BLCAP: variants seen among roughly 807,000 people sequenced by gnomAD.
BLCAP encodes apoptosis inducing factor BLCAP.
A neutral mutation model predicts 5.7 loss-of-function variants in BLCAP; 1 was observed. That is an observed-to-expected ratio of 0.18 (90% CI 0.06 to 0.83). BLCAP has a LOEUF of 0.83. Among genes scored for constraint, BLCAP ranks in the 40% least tolerant of loss-of-function variants. BLCAP has a pLI of 0.71. For synonymous variants in BLCAP, 48 were observed against 49.4 expected (o/e 0.97, Z 0.11); for missense variants, 66 against 107.6 (o/e 0.61, Z 1.71).
At chr20:37,523,049 C>A in intron 1 of BLCAP, 1 of 375,126 alleles carries the variant, frequency 2.7e-6, no homozygotes, top group Non-Finnish European at 4.8e-6. Context: ...ATAGGCACCG[C>A]ATTCTGATCT....
At chr20:37,522,542 C>A in intron 1 of BLCAP, 1 of 1,375,864 alleles carries the variant, frequency 7.3e-7, no homozygotes, top group Non-Finnish European at 1.0e-6. Context: ...CGCCCGCGCC[C>A]GCCTCTCCAG....
intron 1 of BLCAP, among the ~76,000 whole-genome samples, chr20:37,525,754 G>C (rs901764971): frequency 2.2e-4 from 33 of 152,208 alleles, no homozygotes; most frequent in Non-Finnish European, 5.9e-5. Flanking sequence ...TATTCTGATA[G>C]AGAGCAATGC....
At chr20:37,525,372 A>T (rs1243926681) in intron 1 of BLCAP, among the ~76,000 whole-genome samples, 1 of 152,246 alleles carries the variant, frequency 6.6e-6, no homozygotes, top group Non-Finnish European at 1.5e-5. Context: ...CTCTGGACAC[A>T]GCACCTCTTG....
intron 1 of BLCAP, among the ~76,000 whole-genome samples, chr20:37,523,988 G>C (rs2071676985): frequency 6.6e-6 from 1 of 152,148 alleles, no homozygotes; most frequent in Non-Finnish European, 1.5e-5. Context: ...TAGGATAAGG[G>C]GCCAAAGCAA....
intron 1 of BLCAP, chr20:37,524,495 C>G (rs2071687793): frequency 1.3e-5 from 2 of 152,368 alleles, no homozygotes; most frequent in Admixed American, 1.3e-4. Context: ...ACGGGGTCAG[C>G]TGACTGTCTC....
At chr20:37,519,424 GAA>G (rs35394410) in intron 1 of BLCAP, 74 bp from the exon 2 acceptor site, 27,439 of 72,042 alleles carry the variant, frequency 0.38, 6,030 homozygotes, top group South Asian at 0.53. Context: ...AAAAAAAAAA[GAA>G]AAAAAAAAAA....
intron 1 of BLCAP, chr20:37,524,230 A>G (rs1277687718): frequency 2.0e-5 from 3 of 152,300 alleles, no homozygotes; most frequent in African/African-American, 7.2e-5. Flanking sequence ...CAGGCCCCAC[A>G]TCCACCAGGA....
chr20:37,519,204 G>C lies in BLCAP; in HGVS notation c.-30C>G. 3.2e-6 allele frequency: 5 copies of C among 1,550,628 alleles called. No individual in the cohort carries two copies. Among genetic ancestry groups the C allele is most frequent in the Non-Finnish European group, 4.4e-6 (5 of 1,146,240 alleles). ...TCTGCCGGGCAGGGCCTTCACCAAG[G>C]CTGCCGGGCACCGCTGCAGGAACCG... On this transcript the variant is annotated 5_prime_UTR_variant, in exon 2 of 2. Transcript: ENST00000373537.
intron 1 of BLCAP, among the ~76,000 whole-genome samples, chr20:37,525,021 T>G (rs1444444884): frequency 6.6e-6 from 1 of 152,202 alleles, no homozygotes; most frequent in Non-Finnish European, 1.5e-5. Context: ...TTCATCTTTC[T>G]TAGGCTGGGT....
chr20:37,522,291 T>TC, intron 1 of BLCAP: 1 of 1,339,846 alleles, frequency 7.5e-7, no homozygotes, highest in South Asian at 1.2e-5. Context: ...CCCTAAAAGC[T>TC]CCCTTTGCAG....
chr20:37,523,161 T>C, intron 1 of BLCAP: 1 of 175,026 alleles, frequency 5.7e-6, no homozygotes, highest in Non-Finnish European at 1.2e-5. Flanking sequence ...AGAATGGACA[T>C]TCTGACATCG....
At chr20:37,526,271 T>TCC (rs11477433) in intron 1 of BLCAP, among the ~76,000 whole-genome samples, 316 of 125,274 alleles carry the variant, frequency 2.5e-3, no homozygotes, top group Middle Eastern at 4.0e-3. Flanking sequence ...GCAGTTAACT[T>TCC]CCCCCCCCCA....
chr20:37,522,180 C>CCAA (rs149299117), intron 1 of BLCAP, among the ~76,000 whole-genome samples: 21 of 104,776 alleles, frequency 2.0e-4, no homozygotes, highest in Non-Finnish European at 3.8e-4. Context: ...AATTGCTTTA[C>CCAA]AAAAAAAAAA....
chr20:37,522,552 G>A lies in BLCAP; in HGVS notation c.-176-3202C>T, dbSNP rs2071621382. 9.1e-6 allele frequency: 11 copies of A among 1,208,134 alleles called. No homozygotes were observed. In the Admixed American group the frequency reaches 2.4e-4, roughly 26 times the overall value. 74.8% of individuals were successfully genotyped at this position (1,208,134 alleles called of 1,614,324 possible). ...AGCTGCGCCCGCGCCCGCCTCTCCA[G>A]CCTACGCTGGATGGGCGGGCGGGGC... On this transcript the variant is annotated intron_variant, in intron 1 of 1. Transcript: ENST00000373537.
chr20:37,523,147 C>T (rs1293431346), intron 1 of BLCAP: 2 of 189,174 alleles, frequency 1.1e-5, no homozygotes, highest in African/African-American at 4.7e-5. Flanking sequence ...CCGCACCAGC[C>T]AGCAGAATGG....
Position 37,521,552 on chromosome 20 carries a change from C to T in BLCAP, c.-176-2202G>A, listed in dbSNP as rs1212388811. ...CCCAAGTGCCGCTGCCGGCACCGCGCGCCCCCTGCCCATTCCCTGCGCCGT... is the reference window on the plus strand; with the variant it reads ...CCCAAGTGCCGCTGCCGGCACCGCGTGCCCCCTGCCCATTCCCTGCGCCGT... On this transcript the variant is annotated intron_variant, in intron 1 of 1. Transcript: ENST00000373537. This position sits in a 1 kb window ranked among gnomAD's most constrained non-coding sequence, Gnocchi z 4.5. 1.3e-6 allele frequency: 1 copy of T among 766,288 alleles called. No individual in the cohort carries two copies. The allele number at this position is 766,288 out of a possible 1,614,324, so 47.5% of individuals were successfully genotyped here. A position where few individuals can be genotyped will look rare whatever the true frequency, so the allele number is the denominator to read the frequency against.
At chr20:37,522,598 G>GGCCC in intron 1 of BLCAP, 2 of 864,174 alleles carry the variant, frequency 2.3e-6, no homozygotes, top group East Asian at 4.6e-5. Context: ...GCGGGGGTGG[G>GGCCC]CACGGCAGCA....
chr20:37,522,541 C>G (rs2071621021), intron 1 of BLCAP: 1 of 1,388,752 alleles, frequency 7.2e-7, no homozygotes, highest in Non-Finnish European at 9.9e-7. Context: ...GCGCCCGCGC[C>G]CGCCTCTCCA....
At chr20:37,526,013 T>G (rs1342445362) in intron 1 of BLCAP, among the ~76,000 whole-genome samples, 2 of 152,168 alleles carry the variant, frequency 1.3e-5, no homozygotes, top group African/African-American at 2.4e-5. Flanking sequence ...CAGAGGTGTT[T>G]AGGTACCATG....
Sources: gnomAD v4.1 joint callset for allele counts (sites outside exome capture counted in the v4.1 genomes callset) on GRCh38, gnomAD v4.1.1 for gene constraint, Gnocchi (gnomAD v3.1) non-coding constraint, MANE v1.5 for transcripts, NCBI Gene and HGNC (gene_info 2026-07-23, HGNC 2026-07-21) for gene names.